Variants in GRIN3A observed in about 807,000 individuals in gnomAD.
The protein encoded by GRIN3A is glutamate ionotropic receptor NMDA type subunit 3A.
In GRIN3A, 47 loss-of-function variants were observed where a neutral mutation model predicts 92.4. That is an observed-to-expected ratio of 0.51 (90% CI 0.40 to 0.65). GRIN3A has a LOEUF of 0.65. Among genes scored for constraint, GRIN3A ranks in the 30% least tolerant of loss-of-function variants. The probability of loss-of-function intolerance (pLI) is 0.00; values close to 1 mark genes in which losing one functional copy is unlikely to be tolerated. For missense variants in GRIN3A, 1,324 were observed against 1,393.1 expected (o/e 0.95, Z 0.79); for synonymous variants, 527 against 540.6 (o/e 0.97, Z 0.35).
intron 2 of GRIN3A, among the ~76,000 whole-genome samples, chr9:101,676,194 C>T (rs1348956111): frequency 1.3e-5 from 2 of 151,694 alleles, no homozygotes; most frequent in Admixed American, 1.3e-4. Flanking sequence ...CTTTCATGAC[C>T]TAGTTATTTA....
chr9:101,582,367 A>T (rs536251965), intron 6 of GRIN3A, among the ~76,000 whole-genome samples: 6 of 152,306 alleles, frequency 3.9e-5, no homozygotes, highest in African/African-American at 1.4e-4. Context: ...GAAAGACTAG[A>T]GCTGAGCAGG....
At chr9:101,673,043 T>C (rs536284524) in intron 2 of GRIN3A, among the ~76,000 whole-genome samples, 42 of 152,260 alleles carry the variant, frequency 2.8e-4, no homozygotes, top group African/African-American at 9.1e-4. Context: ...AAACAGTTAG[T>C]AGTAAGTAGG....
Position 101,573,114 on chromosome 9 carries a change from A to G in GRIN3A, c.*60T>C, listed in dbSNP as rs1461015961. ...GTCGATAGTTACAAAAGAGCATTAC[A>G]AAGTGTCTCAAGGGCTCAGAGGAAG... On this transcript the variant is annotated 3_prime_UTR_variant, in exon 9 of 9. Coordinates refer to ENST00000361820, the MANE Select transcript of GRIN3A (RefSeq NM_133445.3). 7.2e-7 allele frequency: 1 copy of G among 1,388,400 alleles called. No homozygotes were observed. Among genetic ancestry groups the G allele is most frequent in the Non-Finnish European group, 1.0e-6 (1 of 974,914 alleles). The allele number at this position is 1,388,400 out of a possible 1,614,324, so 86.0% of individuals were successfully genotyped here.
chr9:101,628,533 C>T (rs1564130266), intron 3 of GRIN3A, 132 bp from the exon 4 acceptor site: 2 of 830,232 alleles, frequency 2.4e-6, no homozygotes, highest in South Asian at 1.7e-5. Context: ...GAAACATGTA[C>T]ATAGAAATGT....
intron 1 of GRIN3A, among the ~76,000 whole-genome samples, chr9:101,692,974 T>G (rs918887296): frequency 3.9e-5 from 6 of 152,136 alleles, no homozygotes; most frequent in African/African-American, 1.2e-4. Flanking sequence ...ATGTCCCTAG[T>G]GCCTTATGCA....
intron 1 of GRIN3A, among the ~76,000 whole-genome samples, chr9:101,719,076 A>G (rs964566322): frequency 2.0e-5 from 3 of 152,196 alleles, no homozygotes; most frequent in Non-Finnish European, 4.4e-5. Context: ...TAGGGGTTTA[A>G]GCAGGTTAGT....
At chr9:101,634,045 TC>T (rs1390960877) in intron 3 of GRIN3A, among the ~76,000 whole-genome samples, 1 of 151,984 alleles carries the variant, frequency 6.6e-6, no homozygotes, top group African/African-American at 2.4e-5. Context: ...AGAAAATTAC[TC>T]CTCCTGGCCG....
At chr9:101,712,803 T>C (rs1829896169) in intron 1 of GRIN3A, among the ~76,000 whole-genome samples, 1 of 152,200 alleles carries the variant, frequency 6.6e-6, no homozygotes, top group Admixed American at 6.5e-5. Flanking sequence ...TAACTAATAT[T>C]CCTGGAAACA....
intron 3 of GRIN3A, among the ~76,000 whole-genome samples, chr9:101,655,443 A>G (rs1829072833): frequency 6.6e-6 from 1 of 151,964 alleles, no homozygotes; most frequent in African/African-American, 2.4e-5. Flanking sequence ...TTAAGTGAGC[A>G]TATTATGAAT....
intron 4 of GRIN3A, among the ~76,000 whole-genome samples, chr9:101,625,372 T>G (rs1170922933): frequency 6.6e-6 from 1 of 152,092 alleles, no homozygotes; most frequent in Admixed American, 6.6e-5. Flanking sequence ...AGAATATGAC[T>G]AGAATTCATA....
intron 1 of GRIN3A, among the ~76,000 whole-genome samples, chr9:101,723,899 G>A (rs569100173): frequency 1.9e-4 from 29 of 152,106 alleles, no homozygotes; most frequent in Non-Finnish European, 3.8e-4. Context: ...GGTTCTCCAA[G>A]GTCCCACCAG....
At chr9:101,631,015 G>T (rs897821200) in intron 3 of GRIN3A, among the ~76,000 whole-genome samples, 15 of 147,814 alleles carry the variant, frequency 1.0e-4, no homozygotes, top group African/African-American at 3.7e-4. Flanking sequence ...CTAACTTATT[G>T]TGTAGGCCAG....
At chr9:101,679,478 G>A (rs545311285) in intron 2 of GRIN3A, among the ~76,000 whole-genome samples, 7 of 152,108 alleles carry the variant, frequency 4.6e-5, no homozygotes, top group East Asian at 1.9e-4. Context: ...ACCCCGCCCC[G>A]CAGTGACTTA....
At chr9:101,674,497 GA>G (rs35818458) in intron 2 of GRIN3A, among the ~76,000 whole-genome samples, 63,142 of 151,826 alleles carry the variant, frequency 0.42, 13,453 homozygotes, top group Non-Finnish European at 0.46. Flanking sequence ...AGTGATTTAA[GA>G]GGGCCAAATG....
chr9:101,738,011 C>T lies in GRIN3A; in HGVS notation c.-32G>A, dbSNP rs779191700. On this transcript the variant is annotated 5_prime_UTR_variant, in exon 1 of 9. Coordinates refer to ENST00000361820, the MANE Select transcript of GRIN3A (RefSeq NM_133445.3). Reference sequence around the variant, plus strand: ...GACCCGCAGGGAGAAAGCGCGCCCCCTCCTGCGCCCGGCTCGCCCCTCTGC... The same window carrying T: ...GACCCGCAGGGAGAAAGCGCGCCCCTTCCTGCGCCCGGCTCGCCCCTCTGC... The T allele has an allele frequency of 3.0e-5, 46 of 1,514,072 alleles. No individual in the cohort carries two copies. The highest frequency in any genetic ancestry group is 3.9e-5 in the Non-Finnish European group (44 of 1,129,266). 93.8% of individuals were successfully genotyped at this position (1,514,072 alleles called of 1,614,324 possible).
intron 2 of GRIN3A, among the ~76,000 whole-genome samples, chr9:101,685,341 G>A (rs1305841607): frequency 1.6e-5 from 2 of 128,524 alleles, no homozygotes; most frequent in Admixed American, 9.4e-5. Context: ...ACGGAGTCTC[G>A]CTGTGTTGCC....
rs529821992 is a variant in GRIN3A, at chr9:101,706,934, C to T, written c.700-19734G>A. Among the ~76,000 whole-genome samples, 137 of 152,236 alleles carry T rather than the reference C, an allele frequency of 9.0e-4. 4 individuals are homozygous for T. The highest frequency in any genetic ancestry group is 3.1e-3 in the African/African-American group (128 of 41,552). On this transcript the variant is annotated intron_variant, in intron 1 of 8. Transcript: ENST00000361820. ...GATTGATCTCCCTTTTTTCCCTTCTCACTTTCAAATGAAACTCACAGATTT... is the reference window on the plus strand; with the variant it reads ...GATTGATCTCCCTTTTTTCCCTTCTTACTTTCAAATGAAACTCACAGATTT...
chr9:101,611,164 G>T (rs1588247418), intron 6 of GRIN3A, among the ~76,000 whole-genome samples: 1 of 151,834 alleles, frequency 6.6e-6, no homozygotes, highest in African/African-American at 2.4e-5. Context: ...CAGCTTAGGA[G>T]GCCAAAAGTC....
chr9:101,576,468 A>G (rs760679077), intron 8 of GRIN3A, among the ~76,000 whole-genome samples: 9 of 152,240 alleles, frequency 5.9e-5, no homozygotes, highest in Non-Finnish European at 7.3e-5. Context: ...GCATCAAAAG[A>G]CACAAATGGT....
Sources: gnomAD v4.1 joint callset for allele counts (sites outside exome capture counted in the v4.1 genomes callset) on GRCh38, gnomAD v4.1.1 for gene constraint, MANE v1.5 for transcripts, NCBI Gene and HGNC (gene_info 2026-07-23, HGNC 2026-07-21) for gene names.